NELL2: variants seen among roughly 807,000 people sequenced by gnomAD.
NELL2 encodes the protein protein kinase C-binding protein NELL2.
A neutral mutation model predicts 109.6 loss-of-function variants in NELL2; 41 were observed. The ratio of observed to expected loss-of-function variants is 0.37; its 90% confidence interval spans 0.29 to 0.49. The LOEUF is 0.49. Among genes scored for constraint, NELL2 ranks in the 20% least tolerant of loss-of-function variants. NELL2 has a pLI of 0.98. For synonymous variants in NELL2, 355 were observed against 344.7 expected, an observed-to-expected ratio of 1.03 and a Z score of -0.33; for missense variants, 900 against 1,008.3, an observed-to-expected ratio of 0.89 and a Z score of 1.45.
At chr12:44,904,546 G>A (rs1945698906) in intron 1 of NELL2, among the ~76,000 whole-genome samples, 1 of 152,106 alleles carries the variant, frequency 6.6e-6, no homozygotes, top group Non-Finnish European at 1.5e-5. Flanking sequence ...CATGATGGAA[G>A]GAGATTAGAG....
At chr12:44,650,984 C>G (rs370632392) in intron 13 of NELL2, among the ~76,000 whole-genome samples, 3 of 152,242 alleles carry the variant, frequency 2.0e-5, no homozygotes, top group African/African-American at 7.2e-5. Context: ...TGGTACCAGT[C>G]TGTGGCCTGT....
rs1339091920 is a variant in NELL2 at position 44,519,935 on chromosome 12, G to A, written c.2400+70C>T. On this transcript the variant is annotated intron_variant, in intron 19 of 19. Transcript: ENST00000429094. ...AAAACCTTCCTATTGTCCAGGTAGA[G>A]CACATTATTATCTATGAGCCCTGGG... 6.0e-6 allele frequency: 8 copies of A among 1,335,750 alleles called. No individual in the cohort carries two copies. The African/African-American group carries it at 1.0e-4, about 17-fold the overall frequency. 82.7% of individuals were successfully genotyped at this position (1,335,750 alleles called of 1,614,324 possible). A position where few individuals can be genotyped will look rare whatever the true frequency, so the allele number is the denominator to read the frequency against.
At chr12:44,635,004 C>T (rs919708938) in intron 13 of NELL2, among the ~76,000 whole-genome samples, 8 of 151,982 alleles carry the variant, frequency 5.3e-5, no homozygotes, top group South Asian at 2.1e-4. Flanking sequence ...TATCTCATTG[C>T]GGTTTTGATT....
intron 11 of NELL2, among the ~76,000 whole-genome samples, chr12:44,711,013 T>G (rs746829481): frequency 1.3e-5 from 2 of 152,074 alleles, no homozygotes; most frequent in Non-Finnish European, 2.9e-5. Flanking sequence ...CTGTACTGAC[T>G]CCAAACCAGC....
chr12:44,571,070 AG>A (rs1943852852), intron 15 of NELL2, among the ~76,000 whole-genome samples: 1 of 152,162 alleles, frequency 6.6e-6, no homozygotes, highest in Non-Finnish European at 1.5e-5. Context: ...ATATACTAAG[AG>A]AAAAAAGGCA....
intron 14 of NELL2, among the ~76,000 whole-genome samples, chr12:44,610,204 A>AATCTTCCAC (rs975303263): frequency 5.9e-5 from 9 of 151,672 alleles, no homozygotes; most frequent in South Asian, 2.1e-4. Flanking sequence ...ATGGTTAATT[A>AATCTTCCAC]ATCTTCCACA....
chr12:44,752,016 T>C (rs1278239248), intron 9 of NELL2, among the ~76,000 whole-genome samples: 1 of 151,974 alleles, frequency 6.6e-6, no homozygotes, highest in Non-Finnish European at 1.5e-5. Context: ...CAAATTTGTG[T>C]TGGGCTACAT....
chr12:44,607,928 C>G (rs533399225), intron 14 of NELL2, among the ~76,000 whole-genome samples: 1 of 152,044 alleles, frequency 6.6e-6, no homozygotes, highest in Non-Finnish European at 1.5e-5. Context: ...GAGTAGGAAG[C>G]TGAACCATTG....
chr12:44,876,456 G>C, upstream of NELL2: 1 of 1,298,632 alleles, frequency 7.7e-7, no homozygotes, highest in South Asian at 2.5e-5. Flanking sequence ...CGGTCTCCTG[G>C]ATGCCAAACC....
intron 13 of NELL2, among the ~76,000 whole-genome samples, chr12:44,654,506 G>T (rs371077383): frequency 1.4e-4 from 22 of 152,274 alleles, no homozygotes; most frequent in African/African-American, 4.8e-4. Flanking sequence ...GTGTGGGCTG[G>T]ACCTAGTGAT....
chr12:44,789,100 G>T (rs1654668999), intron 3 of NELL2, among the ~76,000 whole-genome samples: 2 of 152,144 alleles, frequency 1.3e-5, no homozygotes, highest in South Asian at 4.2e-4. Flanking sequence ...ATATACTCTT[G>T]GGAGTTCTAG....
intron 2 of NELL2, among the ~76,000 whole-genome samples, chr12:44,842,113 A>AGGGAGGGAGGAAGGGAGGG (rs1229645230): frequency 5.2e-5 from 1 of 19,148 alleles, no homozygotes. Flanking sequence ...GGGAGGGAGG[A>AGGGAGGGAGGAAGGGAGGG]AGGAAGGAAG....
rs570030922 is a variant in NELL2, at chr12:44,714,830, T to C, written c.995-89A>G. On this transcript the variant is annotated intron_variant, in intron 9 of 19. Coordinates refer to ENST00000429094, the MANE Select transcript of NELL2 (RefSeq NM_001145108.2). The stretch of plus-strand genomic sequence containing the variant: ...TCATCTTGTAACAGCATTCCACATG[T>C]TATACACCTTTTTTCAACATGTATG... 173 of 712,650 alleles carry C rather than the reference T, an allele frequency of 2.4e-4. No homozygotes were observed. The South Asian group carries it at 4.1e-3, about 17-fold the overall frequency. 44.1% of individuals were successfully genotyped at this position (712,650 alleles called of 1,614,324 possible).
At chr12:44,726,572 C>T (rs1005789111) in intron 9 of NELL2, among the ~76,000 whole-genome samples, 22 of 152,076 alleles carry the variant, frequency 1.4e-4, no homozygotes, top group Admixed American at 4.6e-4. Flanking sequence ...TTTGCCAATG[C>T]TTTTCTAACT....
rs1455589223 is a variant in NELL2 at position 44,644,625 on chromosome 12, T to TATATAC, written c.1444+20858_1444+20859insGTATAT. ...ATATGTATGTATATATATATATATA[T>TATATAC]ACATACATATATATATATATATATA... On this transcript the variant is annotated intron_variant, in intron 13 of 19. Coordinates refer to ENST00000429094, the MANE Select transcript of NELL2 (RefSeq NM_001145108.2). 1.8e-4 allele frequency among the ~76,000 whole-genome samples: 18 copies of TATATAC among 98,764 alleles called. No individual in the cohort carries two copies. The East Asian group carries it at 2.0e-3, about 11-fold the overall frequency. The allele number at this position is 98,764 out of a possible 152,430, so 64.8% of individuals were successfully genotyped here.
At position 44,775,980 on chromosome 12, in the gene NELL2, G is replaced by A. The variant is rs1941742008; in HGVS notation, c.891+42C>T. On this transcript the variant is annotated intron_variant, in intron 8 of 19. Transcript: ENST00000429094. ...TTTAATAAATTTTTAAAGAGTGGGA[G>A]CATCTGAGTTCCCTTAGTCTCAACT... The A allele has an allele frequency of 3.8e-6, 6 of 1,592,202 alleles. No individual in the cohort carries two copies. The East Asian group carries it at 9.0e-5, about 24-fold the overall frequency.
intron 16 of NELL2, among the ~76,000 whole-genome samples, chr12:44,528,984 T>C: frequency 6.6e-6 from 1 of 152,258 alleles, no homozygotes; most frequent in African/African-American, 2.4e-5. Flanking sequence ...TTGTCAACCA[T>C]GGTCAGGGTT....
At chr12:44,915,133 G>A (rs912229437), upstream of NELL2, among the ~76,000 whole-genome samples, 3 of 152,168 alleles carry the variant, frequency 2.0e-5, no homozygotes, top group African/African-American at 7.2e-5. Context: ...TTACTGGCGT[G>A]AGCCACCGCG....
At chr12:44,548,895 C>T (rs758001824) in intron 15 of NELL2, among the ~76,000 whole-genome samples, 1 of 152,096 alleles carries the variant, frequency 6.6e-6, no homozygotes, top group Non-Finnish European at 1.5e-5. Flanking sequence ...AAAACAAATG[C>T]TTTCTGTTAA....
Sources: gnomAD v4.1 joint callset for allele counts (sites outside exome capture counted in the v4.1 genomes callset) on GRCh38, gnomAD v4.1.1 for gene constraint, MANE v1.5 for transcripts, NCBI Gene and HGNC (gene_info 2026-07-23, HGNC 2026-07-21) for gene names.